Variants in DMD observed in about 807,000 individuals in gnomAD.
The protein encoded by DMD is mutant dystrophin.
In DMD, 63 loss-of-function variants were observed where a neutral mutation model predicts 330.1. That is an observed-to-expected ratio of 0.19 (90% confidence interval 0.16 to 0.24). The LOEUF is 0.24. Ranked by LOEUF, DMD falls within the 10% of genes least tolerant of loss-of-function variation. The pLI is 1.00. For missense variants in DMD, 3,344 were observed against 2,684.1 expected, an observed-to-expected ratio of 1.25 and a Z score of -5.43; for synonymous variants, 1,223 against 959.8, an observed-to-expected ratio of 1.27 and a Z score of -5.07.
intron 2 of DMD, among the ~76,000 whole-genome samples, chrX:32,854,079 A>G (rs2149042200): frequency 8.9e-6 from 1 of 111,910 alleles, no homozygotes; most frequent in East Asian, 2.8e-4. Context: ...ATAAAGCAAC[A>G]TTATTAGACC....
chrX:33,217,233 T>C (rs1041128952), intron 1 of DMD, among the ~76,000 whole-genome samples: 1 of 111,428 alleles, frequency 9.0e-6, no homozygotes. Context: ...TGCTAGTTTG[T>C]GAGTGAGTTT....
At chrX:32,928,970 C>G (rs1456828689) in intron 2 of DMD, among the ~76,000 whole-genome samples, 2 of 111,593 alleles carry the variant, frequency 1.8e-5, no homozygotes. Flanking sequence ...GGAAGGTATG[C>G]ATAGATATAA....
At chrX:33,119,291 A>G (rs193158466) in intron 1 of DMD, among the ~76,000 whole-genome samples, 1 of 112,597 alleles carries the variant, frequency 8.9e-6, no homozygotes. Flanking sequence ...GGAAGTAAAG[A>G]ATTGTAAGTA....
At chrX:33,185,018 G>A (rs967811915) in intron 1 of DMD, among the ~76,000 whole-genome samples, 15 of 110,212 alleles carry the variant, frequency 1.4e-4, no homozygotes, top group African/African-American at 2.3e-4. Context: ...CACCGCGCCC[G>A]GCCCAGCAAG....
chrX:31,860,973 G>A (rs2093688876), intron 48 of DMD, among the ~76,000 whole-genome samples: 1 of 112,151 alleles, frequency 8.9e-6, no homozygotes, highest in South Asian at 3.7e-4. Context: ...TCAAAGGTTA[G>A]TTTTGATGTT....
intron 44 of DMD, among the ~76,000 whole-genome samples, chrX:32,023,323 T>C (rs891837477): frequency 1.8e-5 from 2 of 111,323 alleles, no homozygotes; most frequent in African/African-American, 6.5e-5. Flanking sequence ...TCTTAGTTTA[T>C]CATCAAATAA....
intron 1 of DMD, among the ~76,000 whole-genome samples, chrX:33,086,738 T>G (rs1159098735): frequency 2.7e-5 from 3 of 109,270 alleles, no homozygotes; most frequent in Non-Finnish European, 5.7e-5. Flanking sequence ...AACTATAATA[T>G]CTCTTAGTGT....
chrX:32,819,259 A>T (rs574071297), intron 5 of DMD, among the ~76,000 whole-genome samples: 13 of 111,182 alleles, frequency 1.2e-4, no homozygotes, highest in Middle Eastern at 4.6e-3. Flanking sequence ...GGCTTTCAGC[A>T]GTGCGAACGT....
chrX:32,910,078 A>AC (rs1569541710), intron 2 of DMD, among the ~76,000 whole-genome samples: 2 of 111,875 alleles, frequency 1.8e-5, no homozygotes, highest in African/African-American at 6.5e-5. Flanking sequence ...CTAATCCCTG[A>AC]CATAAATGTA....
At chrX:31,129,249 C>A (rs1325164118) in intron 77 of DMD, among the ~76,000 whole-genome samples, 1 of 111,995 alleles carries the variant, frequency 8.9e-6, no homozygotes, top group Non-Finnish European at 1.9e-5. Context: ...TATTAATTCA[C>A]TGACTATTTA....
intron 1 of DMD, among the ~76,000 whole-genome samples, chrX:33,075,742 T>G (rs2094830544): frequency 8.9e-6 from 1 of 111,902 alleles, no homozygotes; most frequent in African/African-American, 3.3e-5. Context: ...AGAGATCTGA[T>G]GTAACCAACT....
At chrX:32,967,671 T>C (rs1245925118) in intron 2 of DMD, among the ~76,000 whole-genome samples, 1 of 111,621 alleles carries the variant, frequency 9.0e-6, no homozygotes, top group Non-Finnish European at 1.9e-5. Flanking sequence ...CAGCGTCCAC[T>C]AGATTTAAAG....
At chrX:32,398,829 T>A (rs1421094564) in intron 30 of DMD, among the ~76,000 whole-genome samples, 3 of 111,747 alleles carry the variant, frequency 2.7e-5, no homozygotes, top group Non-Finnish European at 5.7e-5. Flanking sequence ...TCACTTTACC[T>A]AACTTTAAAT....
At chrX:31,572,294 C>T (rs1481992905) in intron 55 of DMD, among the ~76,000 whole-genome samples, 1 of 112,017 alleles carries the variant, frequency 8.9e-6, no homozygotes, top group African/African-American at 3.2e-5. Flanking sequence ...AGAAGCAACC[C>T]TTCCCCATTT....
chrX:32,152,517 T>C (rs146511070), intron 44 of DMD, among the ~76,000 whole-genome samples: 2,822 of 111,191 alleles, frequency 0.025, 91 homozygotes, highest in African/African-American at 0.082. Flanking sequence ...TATATTTGTC[T>C]CTTCACTTAT....
chrX:32,426,645 A>T (rs943957338), intron 29 of DMD, among the ~76,000 whole-genome samples: 1 of 111,660 alleles, frequency 9.0e-6, no homozygotes, highest in Non-Finnish European at 1.9e-5. Context: ...TCTACCACAA[A>T]GACACATGCA....
At chrX:32,735,918 G>A (rs912832448) in intron 7 of DMD, among the ~76,000 whole-genome samples, 3 of 111,878 alleles carry the variant, frequency 2.7e-5, no homozygotes, top group Non-Finnish European at 5.6e-5. Context: ...TGACAAATGG[G>A]ATCTCGTTAA....
At chrX:32,495,148 G>C (rs961748352) in intron 19 of DMD, among the ~76,000 whole-genome samples, 3 of 111,918 alleles carry the variant, frequency 2.7e-5, no homozygotes, top group African/African-American at 9.7e-5. Flanking sequence ...CAGAAGTCTT[G>C]CTATGAAGGA....
At chrX:32,867,441 A>T (rs1259081875) in intron 2 of DMD, among the ~76,000 whole-genome samples, 2 of 112,220 alleles carry the variant, frequency 1.8e-5, no homozygotes, top group Non-Finnish European at 3.8e-5. Flanking sequence ...TTTTCTTACA[A>T]AGCTCAAAGA....
Sources: gnomAD v4.1 joint callset for allele counts (sites outside exome capture counted in the v4.1 genomes callset) on GRCh38, gnomAD v4.1.1 for gene constraint, MANE v1.5 for transcripts, NCBI Gene and HGNC (gene_info 2026-07-23, HGNC 2026-07-21) for gene names.